The following GALNT13 variants were observed in gnomAD, a reference collection of about 807,000 sequenced individuals.
GALNT13 encodes the protein UDP-GalNAc:polypeptide N-acetylgalactosaminyltransferase 13.
GALNT13 carries 28 observed loss-of-function variants against 64.2 expected under a neutral mutation model. The ratio of observed to expected loss-of-function variants is 0.44; its 90% CI spans 0.32 to 0.60. The LOEUF is 0.60. Among genes scored for constraint, GALNT13 ranks in the 20% least tolerant of loss-of-function variants. The probability of loss-of-function intolerance (pLI) is 0.05; values close to 1 mark genes in which losing one functional copy is unlikely to be tolerated. For missense variants in GALNT13, 577 were observed against 669.8 expected (o/e 0.86, Z 1.53); for synonymous variants, 214 against 224.6 (o/e 0.95, Z 0.42).
At chr2:153,983,986 A>T (rs1361762241) in intron 3 of GALNT13, among the ~76,000 whole-genome samples, 2 of 151,928 alleles carry the variant, frequency 1.3e-5, no homozygotes, top group Admixed American at 1.3e-4. Context: ...TTAAGGAAAG[A>T]TCTATCATAT....
the GALNT13 span, among the ~76,000 whole-genome samples, chr2:153,513,984 G>C: frequency 6.6e-6 from 1 of 152,082 alleles, no homozygotes; most frequent in Admixed American, 6.5e-5. Context: ...TCTTTAACCT[G>C]TAAGGTTTGT....
At chr2:153,282,624 T>A in the GALNT13 span, among the ~76,000 whole-genome samples, 7 of 152,046 alleles carry the variant, frequency 4.6e-5, no homozygotes, top group African/African-American at 1.7e-4. Context: ...CCATGTTGCC[T>A]AGGCTGGTCT....
At chr2:153,086,523 C>T in the GALNT13 span, among the ~76,000 whole-genome samples, 1 of 152,108 alleles carries the variant, frequency 6.6e-6, no homozygotes, top group Admixed American at 6.6e-5. Flanking sequence ...CACACAGTCT[C>T]TTGCCTGCTG....
the GALNT13 span, among the ~76,000 whole-genome samples, chr2:153,281,515 G>C: frequency 6.6e-6 from 1 of 152,070 alleles, no homozygotes; most frequent in African/African-American, 2.4e-5. Context: ...GTGGCAGTAG[G>C]TATTGTTCTT....
At chr2:153,269,395 C>A in the GALNT13 span, among the ~76,000 whole-genome samples, 1 of 152,150 alleles carries the variant, frequency 6.6e-6, no homozygotes, top group Non-Finnish European at 1.5e-5. Context: ...GCATGAGTGA[C>A]CTTTACTCCA....
chr2:153,307,762 ATTACT>A, the GALNT13 span, among the ~76,000 whole-genome samples: 4 of 152,122 alleles, frequency 2.6e-5, no homozygotes, highest in Non-Finnish European at 5.9e-5. Flanking sequence ...TATTTTTAAC[ATTACT>A]TTACATCAGA....
At chr2:154,279,058 C>T (rs1283391336) in intron 8 of GALNT13, among the ~76,000 whole-genome samples, 2 of 152,176 alleles carry the variant, frequency 1.3e-5, no homozygotes, top group South Asian at 2.1e-4. Context: ...TAAATACCTA[C>T]AGGTATTGGA....
chr2:153,853,948 T>C, the GALNT13 span, among the ~76,000 whole-genome samples: 9 of 151,792 alleles, frequency 5.9e-5, no homozygotes, highest in East Asian at 1.4e-3. Flanking sequence ...AATGAACATA[T>C]CCATCCATCA....
chr2:153,967,702 C>T (rs1693466609), intron 3 of GALNT13, among the ~76,000 whole-genome samples: 1 of 152,170 alleles, frequency 6.6e-6, no homozygotes, highest in African/African-American at 2.4e-5. Flanking sequence ...CCACTGCCTT[C>T]CAGAGCAGCA....
the GALNT13 span, among the ~76,000 whole-genome samples, chr2:153,570,666 T>C: frequency 6.6e-6 from 1 of 152,264 alleles, no homozygotes; most frequent in South Asian, 2.1e-4. Context: ...GTTTAATTCT[T>C]CTGCATATGG....
chr2:153,616,290 A>G, the GALNT13 span, among the ~76,000 whole-genome samples: 1 of 151,808 alleles, frequency 6.6e-6, no homozygotes, highest in East Asian at 1.9e-4. Flanking sequence ...ATTGGTTTAT[A>G]TGTCTGTTTT....
At chr2:153,909,528 A>G (rs1688804338) in intron 2 of GALNT13, among the ~76,000 whole-genome samples, 1 of 151,506 alleles carries the variant, frequency 6.6e-6, no homozygotes. Context: ...TTCAAGGGTA[A>G]TGCTTTTGCC....
the GALNT13 span, among the ~76,000 whole-genome samples, chr2:153,152,763 A>G: frequency 6.6e-6 from 1 of 152,122 alleles, no homozygotes; most frequent in East Asian, 1.9e-4. Flanking sequence ...GCTGCATAGT[A>G]TTCCTTGGTG....
chr2:154,145,185 TAGAC>T (rs1683522102), intron 4 of GALNT13, among the ~76,000 whole-genome samples: 1 of 149,554 alleles, frequency 6.7e-6, no homozygotes, highest in African/African-American at 2.4e-5. Flanking sequence ...AATAAAATTT[TAGAC>T]AGCTGTAACC....
At chr2:154,013,430 C>T (rs181810277) in intron 3 of GALNT13, among the ~76,000 whole-genome samples, 4 of 152,140 alleles carry the variant, frequency 2.6e-5, no homozygotes, top group East Asian at 3.9e-4. Context: ...CTGGCTGAAG[C>T]GCTTCGTAGG....
intron 4 of GALNT13, among the ~76,000 whole-genome samples, chr2:154,187,369 AACACACACACACACACAC>A (rs10578569): frequency 1.6e-4 from 22 of 140,350 alleles, no homozygotes; most frequent in East Asian, 2.1e-4. Flanking sequence ...GATAGGAGAA[AACACACACACACACACAC>A]ACACACACAC....
At chr2:154,172,358 T>C (rs943200466) in intron 4 of GALNT13, among the ~76,000 whole-genome samples, 1 of 151,994 alleles carries the variant, frequency 6.6e-6, no homozygotes, top group Non-Finnish European at 1.5e-5. Context: ...AAACTATTAT[T>C]TCCCTACTAA....
the GALNT13 span, among the ~76,000 whole-genome samples, chr2:153,361,268 A>G: frequency 1.6e-3 from 239 of 152,282 alleles, 1 homozygote; most frequent in African/African-American, 5.6e-3. Context: ...GAAAGAATCA[A>G]TGAAAAAACG....
At chr2:153,996,300 T>C (rs145247720) in intron 3 of GALNT13, among the ~76,000 whole-genome samples, 3 of 152,302 alleles carry the variant, frequency 2.0e-5, no homozygotes, top group Non-Finnish European at 2.9e-5. Context: ...ACTAACAGTG[T>C]ATAAGAGTTC....
Sources: gnomAD v4.1 joint callset for allele counts (sites outside exome capture counted in the v4.1 genomes callset) on GRCh38, gnomAD v4.1.1 for gene constraint, MANE v1.5 for transcripts, NCBI Gene and HGNC (gene_info 2026-07-23, HGNC 2026-07-21) for gene names.